SMCO4: variants seen among roughly 807,000 people sequenced by gnomAD.
SMCO4 encodes single-pass membrane and coiled-coil domain-containing protein 4.
SMCO4 carries 4 observed loss-of-function variants against 3.6 expected under a neutral mutation model. The observed-to-expected ratio is 1.11, with a 90% CI of 0.54 to 2.53. The LOEUF is 2.53. SMCO4 is among the 30% of genes most tolerant of loss of function. SMCO4 has a pLI of 0.02. For missense variants in SMCO4, 70 were observed against 80.8 expected, an observed-to-expected ratio of 0.87 and a Z score of 0.51; for synonymous variants, 36 against 35.3, an observed-to-expected ratio of 1.02 and a Z score of -0.07.
chr11:93,503,810 T>C (rs1378677198), intron 1 of SMCO4, among the ~76,000 whole-genome samples: 1 of 152,208 alleles, frequency 6.6e-6, no homozygotes, highest in Non-Finnish European at 1.5e-5. Flanking sequence ...TTCAGACTTC[T>C]GGCTTCCAAA....
intron 1 of SMCO4, among the ~76,000 whole-genome samples, chr11:93,533,469 C>G (rs1949182222): frequency 6.6e-6 from 1 of 152,184 alleles, no homozygotes; most frequent in Non-Finnish European, 1.5e-5. Context: ...TCTCAACTCC[C>G]CAGAGCACAG....
At chr11:93,491,335 A>G (rs190159504) in intron 2 of SMCO4, among the ~76,000 whole-genome samples, 9 of 152,364 alleles carry the variant, frequency 5.9e-5, no homozygotes, top group Admixed American at 4.6e-4. Flanking sequence ...ATGTTAGGGC[A>G]TGGCCAGGGT....
intron 1 of SMCO4, among the ~76,000 whole-genome samples, chr11:93,543,051 G>C (rs1322836963): frequency 3.9e-5 from 6 of 151,954 alleles, no homozygotes; most frequent in African/African-American, 1.2e-4. Context: ...GGGCAGGCGA[G>C]CTCGAGTCCC....
chr11:93,540,856 G>T (rs1949265609), intron 1 of SMCO4, among the ~76,000 whole-genome samples: 1 of 152,172 alleles, frequency 6.6e-6, no homozygotes, highest in Admixed American at 6.5e-5. Flanking sequence ...TGTTGGAGAA[G>T]ATATCATTTT....
Position 93,479,200 on chromosome 11 carries a change from G to A in SMCO4, c.-11C>T. 6.2e-7 allele frequency: 1 copy of A among 1,612,568 alleles called. No individual in the cohort carries two copies. The highest frequency in any genetic ancestry group is 8.5e-7 in the Non-Finnish European group (1 of 1,179,194). ...TTTGAGCTGCCGCATCTTTCCTAGA[G>A]GATGCTAGGAGGGTGTGTCCAGAGG... On this transcript the variant is annotated 5_prime_UTR_variant, in exon 3 of 3. Coordinates refer to ENST00000298966, the MANE Select transcript of SMCO4 (RefSeq NM_020179.3).
intron 1 of SMCO4, among the ~76,000 whole-genome samples, chr11:93,504,686 T>C (rs1948881818): frequency 6.6e-6 from 1 of 152,224 alleles, no homozygotes; most frequent in South Asian, 2.1e-4. Flanking sequence ...AGGCCAATTT[T>C]ACTGTATCAA....
chr11:93,539,361 T>C (rs1949253806), intron 1 of SMCO4, among the ~76,000 whole-genome samples: 1 of 151,676 alleles, frequency 6.6e-6, no homozygotes, highest in Non-Finnish European at 1.5e-5. Flanking sequence ...ATTAACTCAT[T>C]ATCAAAATAA....
chr11:93,484,493 C>T (rs1329826204), intron 2 of SMCO4, among the ~76,000 whole-genome samples: 7 of 152,096 alleles, frequency 4.6e-5, no homozygotes, highest in South Asian at 2.1e-4. Flanking sequence ...TCTCACGTCC[C>T]GACTCTCCTC....
chr11:93,524,967 C>T (rs1332045297), intron 1 of SMCO4, among the ~76,000 whole-genome samples: 1 of 152,222 alleles, frequency 6.6e-6, no homozygotes, highest in Admixed American at 6.5e-5. Flanking sequence ...TCCACAAAGA[C>T]AGATGCTTCC....
chr11:93,553,768 T>C, the SMCO4 span, among the ~76,000 whole-genome samples: 3 of 152,234 alleles, frequency 2.0e-5, no homozygotes, highest in Middle Eastern at 3.2e-3. Context: ...TTATTCTAAG[T>C]AGTCCAAGGG....
At chr11:93,521,823 C>T (rs974221088) in intron 1 of SMCO4, among the ~76,000 whole-genome samples, 1 of 152,290 alleles carries the variant, frequency 6.6e-6, no homozygotes, top group East Asian at 1.9e-4. Context: ...AACATCCCTG[C>T]CGCCAAGGAC....
intron 2 of SMCO4, among the ~76,000 whole-genome samples, chr11:93,486,880 T>A (rs1305214881): frequency 6.6e-6 from 1 of 152,170 alleles, no homozygotes; most frequent in Non-Finnish European, 1.5e-5. Flanking sequence ...AGCTCTCCTG[T>A]CTTCAGAAAA....
chr11:93,535,574 G>A (rs1405953494), intron 1 of SMCO4: 23 of 1,517,804 alleles, frequency 1.5e-5, no homozygotes, highest in Admixed American at 6.7e-5. Flanking sequence ...TATGACAGTC[G>A]AACCAAATCC....
chr11:93,505,910 T>C (rs1948895535), intron 1 of SMCO4, among the ~76,000 whole-genome samples: 1 of 151,974 alleles, frequency 6.6e-6, no homozygotes, highest in Non-Finnish European at 1.5e-5. Context: ...TAGCTAACAT[T>C]TAGCAAGTGA....
intron 1 of SMCO4, among the ~76,000 whole-genome samples, chr11:93,511,546 C>G (rs1268752573): frequency 6.6e-6 from 1 of 152,176 alleles, no homozygotes; most frequent in Non-Finnish European, 1.5e-5. Context: ...TCTACAAATA[C>G]CTAACTTGAA....
intron 1 of SMCO4, among the ~76,000 whole-genome samples, chr11:93,530,740 C>A (rs1425343282): frequency 2.0e-5 from 3 of 152,202 alleles, no homozygotes; most frequent in Non-Finnish European, 2.9e-5. Context: ...GTCCCCTTCA[C>A]ACAGAATCCT....
At chr11:93,489,203 AT>A (rs879361614) in intron 2 of SMCO4, among the ~76,000 whole-genome samples, 12 of 152,272 alleles carry the variant, frequency 7.9e-5, no homozygotes, top group Admixed American at 2.0e-4. Flanking sequence ...AGGTTACTTA[AT>A]CTTTCTGTGC....
chr11:93,520,973 A>G (rs769569250), intron 1 of SMCO4, among the ~76,000 whole-genome samples: 7 of 152,372 alleles, frequency 4.6e-5, no homozygotes, highest in Non-Finnish European at 7.3e-5. Flanking sequence ...CTGTGTCGAC[A>G]CAAAACCACC....
At chr11:93,506,733 G>A (rs1050306927) in intron 1 of SMCO4, among the ~76,000 whole-genome samples, 18 of 152,220 alleles carry the variant, frequency 1.2e-4, no homozygotes, top group African/African-American at 3.9e-4. Context: ...GAGCCACCAC[G>A]CCTGTCCTTA....
Sources: allele counts gnomAD v4.1 joint callset (sites outside exome capture counted in the v4.1 genomes callset), GRCh38; gene constraint gnomAD v4.1.1; transcripts MANE v1.5; gene names NCBI Gene and HGNC (gene_info 2026-07-23, HGNC 2026-07-21).